Variants in SLC13A3 observed in about 807,000 individuals in gnomAD.
SLC13A3 encodes solute carrier family 13 member 3.
In SLC13A3, 40 loss-of-function variants were observed where a neutral mutation model predicts 59.0. The observed-to-expected ratio is 0.68, with a 90% CI of 0.53 to 0.88. The LOEUF (loss-of-function observed/expected upper bound fraction) is 0.88, where lower values mean the gene tolerates loss of function less well. Ranked by LOEUF, SLC13A3 falls within the 40% of genes least tolerant of loss-of-function variation. The pLI, the probability that SLC13A3 is intolerant of heterozygous loss-of-function variation, is 0.00. For synonymous variants in SLC13A3, 317 were observed against 330.3 expected, an observed-to-expected ratio of 0.96 and a Z score of 0.44; for missense variants, 699 against 783.2, an observed-to-expected ratio of 0.89 and a Z score of 1.28.
chr20:46,592,718 G>A (rs1394467355), intron 5 of SLC13A3, among the ~76,000 whole-genome samples, 189 bp from the exon 6 acceptor site: 2 of 152,098 alleles, frequency 1.3e-5, no homozygotes, highest in African/African-American at 2.4e-5. Context: ...GGAGGCTGCT[G>A]GCTTCTGACC....
At chr20:46,584,209 G>A (rs2062169438) in intron 8 of SLC13A3, 7 of 985,214 alleles carry the variant, frequency 7.1e-6, no homozygotes, top group South Asian at 9.4e-5. Context: ...TTAAGCCCTC[G>A]GGGCAGGCAC....
intron 3 of SLC13A3, 96 bp from the exon 4 acceptor site, chr20:46,600,133 C>A: frequency 1.4e-6 from 1 of 703,360 alleles, no homozygotes; most frequent in Non-Finnish European, 2.1e-6. Flanking sequence ...CTTTCTTTGC[C>A]AAGGATCCTA....
intron 1 of SLC13A3, among the ~76,000 whole-genome samples, chr20:46,664,164 AT>A (rs1007700947): frequency 6.6e-6 from 1 of 151,982 alleles, no homozygotes; most frequent in Admixed American, 6.6e-5. Flanking sequence ...GGGCATCAGG[AT>A]TTTTTTTAAG....
upstream of SLC13A3, among the ~76,000 whole-genome samples, chr20:46,652,057 G>A (rs1246623435): frequency 1.3e-5 from 2 of 152,196 alleles, no homozygotes; most frequent in Non-Finnish European, 2.9e-5. Context: ...TGGACACATA[G>A]AGGGGAACAA....
Position 46,560,080 on chromosome 20 carries a change from G to A in SLC13A3, c.1751C>T (p.Ser584Leu), listed in dbSNP as rs774410693. ...GGGTGGCAATGCTGTGACATTGACCGAGTACATATCAGCCCAGTCCGGGAA... is the reference window on the plus strand; with the variant it reads ...GGGTGGCAATGCTGTGACATTGACCAAGTACATATCAGCCCAGTCCGGGAA... The part of the protein sequence containing the change: ...GTFPDWADMY[S>L]VNVTALPPTL... Residue 584 changes from serine (S) to leucine (L), a missense_variant, in exon 13 of 13, where the codon TCG (serine) becomes TTG (leucine). Coordinates refer to ENST00000279027, the MANE Select transcript of SLC13A3 (RefSeq NM_022829.6). 10 of 1,614,160 alleles carry A rather than the reference G, an allele frequency of 6.2e-6. No homozygotes were observed. The East Asian group carries it at 1.3e-4, about 22-fold the overall frequency.
At chr20:46,615,993 C>T (rs847100) in intron 1 of SLC13A3, among the ~76,000 whole-genome samples, 104,908 of 152,034 alleles carry the variant, frequency 0.69, 36,855 homozygotes, top group African/African-American at 0.81. Flanking sequence ...AGAACAACTG[C>T]AAAACAAATT....
intron 1 of SLC13A3, among the ~76,000 whole-genome samples, chr20:46,636,806 CTTTTTTTCT>C (rs2062799988): frequency 1.6e-5 from 1 of 64,194 alleles, no homozygotes; most frequent in African/African-American, 1.6e-4. Flanking sequence ...TTTTTTTTTT[CTTTTTTTCT>C]TTTTTTTTTG....
At chr20:46,665,534 T>C (rs2122921527) in intron 1 of SLC13A3, among the ~76,000 whole-genome samples, 1 of 152,358 alleles carries the variant, frequency 6.6e-6, no homozygotes, top group South Asian at 2.1e-4. Flanking sequence ...TGACTTAACA[T>C]AATGCTTTCA....
intron 3 of SLC13A3, among the ~76,000 whole-genome samples, chr20:46,601,434 A>C (rs2062379543): frequency 6.6e-6 from 1 of 152,132 alleles, no homozygotes; most frequent in South Asian, 2.1e-4. Flanking sequence ...ACCCAGAGCC[A>C]AAACTGGGGC....
rs1314009715 is a variant in SLC13A3, at chr20:46,632,910, T to TAGATAGACAGACAG, written c.111+18400_111+18401insCTGTCTGTCTATCT. ...ATAGATAGATAGATAGATAGATAGATATATCTATCTATCTATCTATCTATC... is the reference window on the plus strand; with the variant it reads ...ATAGATAGATAGATAGATAGATAGATAGATAGACAGACAGATATCTATCTATCTATCTATCTATC... On this transcript the variant is annotated intron_variant, in intron 1 of 12. Coordinates refer to ENST00000279027, the MANE Select transcript of SLC13A3 (RefSeq NM_022829.6). 1.0e-3 allele frequency among the ~76,000 whole-genome samples: 75 copies of TAGATAGACAGACAG among 73,594 alleles called. 1 individual carries two copies. Among genetic ancestry groups the TAGATAGACAGACAG allele is most frequent in the South Asian group, 2.4e-3 (5 of 2,044 alleles). The allele number at this position is 73,594 out of a possible 152,430, so 48.3% of individuals were successfully genotyped here. A position where few individuals can be genotyped will look rare whatever the true frequency, so the allele number is the denominator to read the frequency against.
At chr20:46,577,704 C>A (rs2062093062) in intron 9 of SLC13A3, among the ~76,000 whole-genome samples, 1 of 152,218 alleles carries the variant, frequency 6.6e-6, no homozygotes, top group East Asian at 1.9e-4. Context: ...TAAGCACAAT[C>A]TCTGACTATG....
chr20:46,637,315 G>C (rs1486993005), intron 1 of SLC13A3, among the ~76,000 whole-genome samples: 1 of 152,144 alleles, frequency 6.6e-6, no homozygotes, highest in Non-Finnish European at 1.5e-5. Flanking sequence ...CGCTTCTCAG[G>C]CATCTGGGAC....
At chr20:46,604,593 G>A (rs992762279) in intron 3 of SLC13A3, among the ~76,000 whole-genome samples, 1 of 152,150 alleles carries the variant, frequency 6.6e-6, no homozygotes, top group Non-Finnish European at 1.5e-5. Flanking sequence ...GGCCGCTCTC[G>A]TGGTACACCG....
chr20:46,603,576 G>C (rs892229812), intron 3 of SLC13A3, among the ~76,000 whole-genome samples: 1 of 143,848 alleles, frequency 7.0e-6, no homozygotes, highest in Non-Finnish European at 1.5e-5. Flanking sequence ...TGGTAAAAAA[G>C]AAGGTCTTGC....
intron 1 of SLC13A3, among the ~76,000 whole-genome samples, chr20:46,645,577 T>C (rs2122868764): frequency 6.6e-6 from 1 of 152,340 alleles, no homozygotes; most frequent in South Asian, 2.1e-4. Context: ...CAGAAGACTT[T>C]GGGTGGAACA....
chr20:46,641,700 G>A (rs562788919), intron 1 of SLC13A3, among the ~76,000 whole-genome samples: 1 of 152,288 alleles, frequency 6.6e-6, no homozygotes, highest in South Asian at 2.1e-4. Context: ...AGTGAGAAAA[G>A]ACAAGGGCAG....
intron 4 of SLC13A3, among the ~76,000 whole-genome samples, chr20:46,598,616 C>A (rs1343476462): frequency 6.6e-6 from 1 of 152,160 alleles, no homozygotes; most frequent in East Asian, 1.9e-4. Context: ...ACTCATGTCT[C>A]AAAGTTGGAC....
At chr20:46,635,946 G>A (rs892416859) in intron 1 of SLC13A3, among the ~76,000 whole-genome samples, 3 of 152,186 alleles carry the variant, frequency 2.0e-5, no homozygotes, top group Non-Finnish European at 2.9e-5. Flanking sequence ...TATCAATGCC[G>A]TGGCAGCATC....
chr20:46,616,091 A>G (rs1016618768), intron 1 of SLC13A3, among the ~76,000 whole-genome samples: 8 of 152,140 alleles, frequency 5.3e-5, no homozygotes, highest in African/African-American at 1.9e-4. Context: ...TACAGAATCA[A>G]ACTCCACAAC....
Sources: allele counts gnomAD v4.1 joint callset (sites outside exome capture counted in the v4.1 genomes callset), GRCh38; gene constraint gnomAD v4.1.1; transcripts MANE v1.5; gene names NCBI Gene and HGNC (gene_info 2026-07-23, HGNC 2026-07-21).